The following DLG1 variants were observed in gnomAD, a reference collection of about 807,000 sequenced individuals.
DLG1 encodes the protein discs large MAGUK scaffold protein 1, also known as disks large homolog 1.
DLG1 carries 42 observed loss-of-function variants against 123.4 expected under a neutral mutation model. That is an observed-to-expected ratio of 0.34 (90% CI 0.27 to 0.44). DLG1 has a LOEUF of 0.44. Ranked by LOEUF, DLG1 falls within the 20% of genes least tolerant of loss-of-function variation. The pLI is 1.00. For missense variants in DLG1, 942 were observed against 1,082.6 expected (o/e 0.87, Z 1.82); for synonymous variants, 317 against 356.2 (o/e 0.89, Z 1.24).
At chr3:197,245,990 A>G (rs1162290582) in intron 4 of DLG1, among the ~76,000 whole-genome samples, 1 of 149,612 alleles carries the variant, frequency 6.7e-6, no homozygotes, top group Non-Finnish European at 1.5e-5. Flanking sequence ...TACTGATGAG[A>G]CTTCGTTTAG....
In DLG1 at chr3:197,210,389, C is replaced by A. The variant is rs1001625745; in HGVS notation, c.319-15800G>T. Among the ~76,000 whole-genome samples, 32 of 144,238 alleles carry A rather than the reference C, an allele frequency of 2.2e-4. 5 individuals carry two copies. The highest frequency in any genetic ancestry group is 4.5e-4 in the Non-Finnish European group (29 of 64,426). The allele number at this position is 144,238 out of a possible 152,430, so 94.6% of individuals were successfully genotyped here. On this transcript the variant is annotated intron_variant, in intron 4 of 24. Transcript: ENST00000667157. ...ATCATAAAAACAGATAAACCCTATT[C>A]TAGACAGATCAAGGAAAGAGAGAAT...
chr3:197,290,545 G>C (rs1230984949), intron 3 of DLG1, among the ~76,000 whole-genome samples: 1 of 152,008 alleles, frequency 6.6e-6, no homozygotes, highest in Non-Finnish European at 1.5e-5. Flanking sequence ...TCCTAAGCCA[G>C]GAATACAAAA....
At chr3:197,046,295 A>G (rs1722998516) in intron 24 of DLG1, among the ~76,000 whole-genome samples, 1 of 152,238 alleles carries the variant, frequency 6.6e-6, no homozygotes, top group South Asian at 2.1e-4. Flanking sequence ...AACAGTCAGG[A>G]ACTGACTTGG....
chr3:197,284,631 A>G (rs1011076149), intron 3 of DLG1, among the ~76,000 whole-genome samples: 1 of 152,164 alleles, frequency 6.6e-6, no homozygotes, highest in Non-Finnish European at 1.5e-5. Flanking sequence ...AATTGAAATC[A>G]CCTATTACAT....
Position 197,259,433 on chromosome 3 carries a change from G to C in DLG1, c.318+23246C>G, listed in dbSNP as rs541147997. Among the ~76,000 whole-genome samples, 7 of 152,196 alleles carry C rather than the reference G, an allele frequency of 4.6e-5. No individual in the cohort carries two copies. The East Asian group carries it at 1.2e-3, about 25-fold the overall frequency. On this transcript the variant is annotated intron_variant, in intron 4 of 24. Coordinates refer to ENST00000667157, the MANE Select transcript of DLG1 (RefSeq NM_001366207.1). Reference sequence around the variant, plus strand: ...TGAAAAATAATTCATTATACAGAAAGAGTAATAGCCTCTACTTTCAGAATT... The same window carrying C: ...TGAAAAATAATTCATTATACAGAAACAGTAATAGCCTCTACTTTCAGAATT...
chr3:197,155,630 A>G (rs1796052804), intron 5 of DLG1, among the ~76,000 whole-genome samples: 1 of 152,120 alleles, frequency 6.6e-6, no homozygotes, highest in Non-Finnish European at 1.5e-5. Context: ...AATTTAAAAA[A>G]AAAAAAAACT....
chr3:197,075,769 T>C, intron 18 of DLG1: 2 of 1,397,994 alleles, frequency 1.4e-6, no homozygotes, highest in Non-Finnish European at 2.0e-6. Context: ...AATCTCAAAA[T>C]GTATCTGAAT....
chr3:197,089,812 G>A (rs922568502), intron 15 of DLG1, among the ~76,000 whole-genome samples: 3 of 152,022 alleles, frequency 2.0e-5, no homozygotes, highest in Admixed American at 6.6e-5. Context: ...TAATGACTTT[G>A]GAACACAAGA....
At chr3:197,189,154 A>C (rs1717804360) in intron 5 of DLG1, among the ~76,000 whole-genome samples, 1 of 152,234 alleles carries the variant, frequency 6.6e-6, no homozygotes, top group African/African-American at 2.4e-5. Flanking sequence ...ACTTCTGGTA[A>C]TCCATCCAAA....
At chr3:197,067,793 G>C (rs1055824537) in intron 19 of DLG1, among the ~76,000 whole-genome samples, 1 of 152,136 alleles carries the variant, frequency 6.6e-6, no homozygotes, top group African/African-American at 2.4e-5. Flanking sequence ...CTGACCTCAG[G>C]TGATCTGCCC....
chr3:197,106,416 G>GC (rs530953318), intron 13 of DLG1, among the ~76,000 whole-genome samples: 134 of 147,040 alleles, frequency 9.1e-4, no homozygotes, highest in Admixed American at 1.5e-3. Context: ...TCTCCAGCCA[G>GC]CCCCCCCCAC....
rs1206363549 is a variant in DLG1 at position 197,104,927 on chromosome 3, T to C, written c.1522A>G (p.Ile508Val). 10 of 1,613,294 alleles carry C rather than the reference T, an allele frequency of 6.2e-6. No homozygotes were observed. In the Admixed American group the frequency reaches 8.3e-5, roughly 13 times the overall value. The part of the protein sequence containing the change: ...ALKNAGQAVT[I>V]VAQYRPEEYS... ...CCTTCAGGTCGATATTGTGCAACAATTGTGACAGCCTGGCCAGCATTTTTC... is the reference window on the plus strand; with the variant it reads ...CCTTCAGGTCGATATTGTGCAACAACTGTGACAGCCTGGCCAGCATTTTTC... Residue 508 changes from isoleucine (I) to valine (V), a missense_variant, in exon 14 of 25, where the codon ATT (isoleucine) becomes GTT (valine). By Grantham distance (29) the Ile-to-Val change is conservative. Coordinates refer to ENST00000667157, the MANE Select transcript of DLG1 (RefSeq NM_001366207.1).
At chr3:197,222,979 C>G (rs1342813742) in intron 4 of DLG1, among the ~76,000 whole-genome samples, 2 of 152,156 alleles carry the variant, frequency 1.3e-5, no homozygotes, top group Non-Finnish European at 2.9e-5. Flanking sequence ...ACCTCATTTC[C>G]TCCTAGGGAC....
At chr3:197,158,163 T>C (rs1346016296) in intron 5 of DLG1, among the ~76,000 whole-genome samples, 2 of 152,008 alleles carry the variant, frequency 1.3e-5, no homozygotes, top group Non-Finnish European at 2.9e-5. Context: ...GACACACACA[T>C]GGACAATAAG....
intron 4 of DLG1, among the ~76,000 whole-genome samples, chr3:197,256,554 C>T (rs2150917866): frequency 6.6e-6 from 1 of 152,338 alleles, no homozygotes; most frequent in African/African-American, 2.4e-5. Context: ...CTTTTTAAAG[C>T]AGTGCCTCAT....
chr3:197,085,772 A>G lies in DLG1; in HGVS notation c.1662-16T>C. The G allele has an allele frequency of 6.2e-7, 1 of 1,603,360 alleles. No homozygotes were observed. The highest frequency in any genetic ancestry group is 1.1e-5 in the South Asian group (1 of 89,200). On this transcript the variant is annotated splice_polypyrimidine_tract_variant and intron_variant, in intron 15 of 24. Transcript: ENST00000667157. ...AAAAAGGGCTCTAGAGTCAGAAGAA[A>G]AAAAGTCCATAATCACTTGTTATAA...
chr3:197,143,056 C>G (rs569664197), intron 6 of DLG1, among the ~76,000 whole-genome samples: 1 of 152,172 alleles, frequency 6.6e-6, no homozygotes, highest in Admixed American at 6.5e-5. Context: ...ATCCACACAT[C>G]TAATCAGTTA....
chr3:197,281,807 G>A lies in DLG1; in HGVS notation c.318+872C>T, dbSNP rs116628714. Among the ~76,000 whole-genome samples the A allele has an allele frequency of 9.4e-3, 1,437 of 152,264 alleles. 22 individuals are homozygous for A. The highest frequency in any genetic ancestry group is 0.033 in the African/African-American group (1,356 of 41,536). ...TCAGTTTCCTCATCTTTAACATGAA[G>A]ACAAGGGATCAGATGTGCTCCGATT... On this transcript the variant is annotated intron_variant, in intron 4 of 24. Coordinates refer to ENST00000667157, the MANE Select transcript of DLG1 (RefSeq NM_001366207.1).
chr3:197,280,889 A>G (rs1357067918), intron 4 of DLG1, among the ~76,000 whole-genome samples: 2 of 152,212 alleles, frequency 1.3e-5, no homozygotes, highest in Admixed American at 6.5e-5. Flanking sequence ...AAAACAGAAA[A>G]TAATTTCTCA....
Sources: gnomAD v4.1 joint callset for allele counts (sites outside exome capture counted in the v4.1 genomes callset) on GRCh38, gnomAD v4.1.1 for gene constraint, MANE v1.5 for transcripts, NCBI Gene and HGNC (gene_info 2026-07-23, HGNC 2026-07-21) for gene names.